Variants in DLG2 observed in about 807,000 individuals in gnomAD.
The protein encoded by DLG2 is discs large MAGUK scaffold protein 2, also known as disks large homolog 2.
A neutral mutation model predicts 132.5 loss-of-function variants in DLG2; 45 were observed. The observed-to-expected ratio is 0.34, with a 90% confidence interval of 0.27 to 0.44. The LOEUF (loss-of-function observed/expected upper bound fraction) is 0.44, where lower values mean the gene tolerates loss of function less well. Ranked by LOEUF, DLG2 falls within the 20% of genes least tolerant of loss-of-function variation. The pLI, the probability that DLG2 is intolerant of heterozygous loss-of-function variation, is 1.00. For missense variants in DLG2, 1,045 were observed against 1,196.9 expected (o/e 0.87, Z 1.87); for synonymous variants, 424 against 419.6 (o/e 1.01, Z -0.13).
intron 6 of DLG2, among the ~76,000 whole-genome samples, chr11:84,893,135 C>T (rs993798115): frequency 1.4e-4 from 22 of 152,112 alleles, no homozygotes; most frequent in Admixed American, 1.3e-3. Flanking sequence ...CTGGAGCATC[C>T]GTTTCCTCTG....
At position 84,324,394 on chromosome 11, in the gene DLG2, C is replaced by G. The variant is rs144589474; in HGVS notation, c.520-73103G>C. Among the ~76,000 whole-genome samples the G allele has an allele frequency of 3.7e-3, 562 of 152,020 alleles. 3 individuals carry two copies. Among genetic ancestry groups the G allele is most frequent in the African/African-American group, 0.012 (505 of 41,482 alleles). On this transcript the variant is annotated intron_variant, in intron 7 of 27. Transcript: ENST00000376104. ...TGGGTTTATTTCTGGGCTCTCTATTCTGTTTCATTAATTTGTATGTCCAGC... is the reference window on the plus strand; with the variant it reads ...TGGGTTTATTTCTGGGCTCTCTATTGTGTTTCATTAATTTGTATGTCCAGC...
intron 7 of DLG2, among the ~76,000 whole-genome samples, chr11:84,334,348 G>C (rs2098474386): frequency 1.3e-5 from 2 of 152,146 alleles, no homozygotes. Flanking sequence ...GGTTTTAGGG[G>C]ACACTCCTGT....
intron 7 of DLG2, among the ~76,000 whole-genome samples, chr11:84,302,908 C>CA (rs2098172070): frequency 6.6e-6 from 1 of 151,700 alleles, no homozygotes; most frequent in African/African-American, 2.4e-5. Flanking sequence ...CCAACGTGGT[C>CA]AAAACGTGTC....
chr11:84,632,718 T>C (rs1339850601), intron 6 of DLG2, among the ~76,000 whole-genome samples: 1 of 152,196 alleles, frequency 6.6e-6, no homozygotes, highest in Non-Finnish European at 1.5e-5. Context: ...GTTAAAACTA[T>C]TTAATACCTG....
chr11:84,809,676 G>A (rs1274042419), intron 6 of DLG2, among the ~76,000 whole-genome samples: 1 of 151,744 alleles, frequency 6.6e-6, no homozygotes. Flanking sequence ...TTTTACAATT[G>A]CTCAAAAATA....
chr11:85,220,285 G>T (rs1217245954), intron 4 of DLG2, among the ~76,000 whole-genome samples: 1 of 152,128 alleles, frequency 6.6e-6, no homozygotes, highest in African/African-American at 2.4e-5. Context: ...GACTAAAGAA[G>T]GCTCCACCAA....
chr11:84,254,416 C>T (rs2097433285), intron 7 of DLG2, among the ~76,000 whole-genome samples: 1 of 152,022 alleles, frequency 6.6e-6, no homozygotes, highest in African/African-American at 2.4e-5. Context: ...GTATACTTTT[C>T]TAGAATTCTC....
At chr11:83,694,458 G>C (rs777808837) in intron 18 of DLG2, among the ~76,000 whole-genome samples, 11 of 152,144 alleles carry the variant, frequency 7.2e-5, no homozygotes, top group Non-Finnish European at 1.3e-4. Context: ...CATAGATTTT[G>C]AATATCAGAT....
At chr11:83,940,863 C>T (rs536931099) in intron 14 of DLG2, among the ~76,000 whole-genome samples, 42 of 152,180 alleles carry the variant, frequency 2.8e-4, no homozygotes, top group South Asian at 1.7e-3. Flanking sequence ...GAGTATTAGA[C>T]GAAATGATGC....
intron 6 of DLG2, among the ~76,000 whole-genome samples, chr11:84,756,591 G>T (rs1172181938): frequency 6.6e-6 from 1 of 152,130 alleles, no homozygotes; most frequent in African/African-American, 2.4e-5. Flanking sequence ...GTTGTTAAGA[G>T]AATTAAATGT....
chr11:84,612,548 G>T (rs556457065), intron 6 of DLG2, among the ~76,000 whole-genome samples: 1 of 152,088 alleles, frequency 6.6e-6, no homozygotes, highest in East Asian at 1.9e-4. Flanking sequence ...ATAAATGTAA[G>T]ATTTAAACAT....
intron 15 of DLG2, among the ~76,000 whole-genome samples, chr11:83,909,131 T>A (rs2075591097): frequency 6.6e-6 from 1 of 152,206 alleles, no homozygotes; most frequent in African/African-American, 2.4e-5. Context: ...TGCCATATGC[T>A]ATTCAAGAGA....
At chr11:83,550,159 G>T (rs1014860099) in intron 19 of DLG2, among the ~76,000 whole-genome samples, 15 of 152,122 alleles carry the variant, frequency 9.9e-5, no homozygotes, top group African/African-American at 3.6e-4. Flanking sequence ...CATTTCTATT[G>T]TTCCTAAAAA....
chr11:83,878,211 T>C (rs2065255823), intron 15 of DLG2, among the ~76,000 whole-genome samples: 1 of 152,170 alleles, frequency 6.6e-6, no homozygotes, highest in Non-Finnish European at 1.5e-5. Context: ...CATGTGTGCT[T>C]TCAGAGCAAA....
intron 3 of DLG2, chr11:85,452,246 T>A (rs149570796): frequency 1.3e-5 from 2 of 152,290 alleles, no homozygotes; most frequent in African/African-American, 2.4e-5. Flanking sequence ...GTAGTTGTTT[T>A]TTTTTTTAAC....
chr11:84,121,085 C>G (rs1360381761), intron 9 of DLG2, among the ~76,000 whole-genome samples: 1 of 152,186 alleles, frequency 6.6e-6, no homozygotes. Context: ...TGAACACCTT[C>G]TCTTTACCTG....
chr11:85,147,635 G>A (rs2076952633), intron 5 of DLG2, among the ~76,000 whole-genome samples: 1 of 152,064 alleles, frequency 6.6e-6, no homozygotes, highest in Non-Finnish European at 1.5e-5. Context: ...CATAACCAAT[G>A]AATTAAGTAT....
intron 8 of DLG2, among the ~76,000 whole-genome samples, chr11:84,239,335 T>C (rs2097198047): frequency 6.6e-6 from 1 of 151,948 alleles, no homozygotes; most frequent in Non-Finnish European, 1.5e-5. Context: ...CAGGCATCAC[T>C]ACAGCTAGCT....
At chr11:85,331,353 A>G (rs1170161301) in intron 3 of DLG2, among the ~76,000 whole-genome samples, 1 of 152,254 alleles carries the variant, frequency 6.6e-6, no homozygotes, top group Non-Finnish European at 1.5e-5. Context: ...ATTCACTTTT[A>G]AAGATGCTAG....
Sources: gnomAD v4.1 joint callset for allele counts (sites outside exome capture counted in the v4.1 genomes callset) on GRCh38, gnomAD v4.1.1 for gene constraint, MANE v1.5 for transcripts, NCBI Gene and HGNC (gene_info 2026-07-23, HGNC 2026-07-21) for gene names.